ZNF407: variants seen among roughly 807,000 people sequenced by gnomAD.
ZNF407 encodes zinc finger protein 407.
A neutral mutation model predicts 131.2 loss-of-function variants in ZNF407; 17 were observed. The observed-to-expected ratio is 0.13, with a 90% confidence interval of 0.09 to 0.19. The LOEUF (loss-of-function observed/expected upper bound fraction) is 0.19, where lower values mean the gene tolerates loss of function less well. ZNF407 is among the 10% of genes least tolerant of loss of function. The pLI, the probability that ZNF407 is intolerant of heterozygous loss-of-function variation, is 1.00. For synonymous variants in ZNF407, 1,156 were observed against 1,062.0 expected (o/e 1.09, Z -1.72); for missense variants, 2,681 against 2,830.6 (o/e 0.95, Z 1.20).
At chr18:74,781,601 T>C (rs1328603954) in intron 4 of ZNF407, 99 bp downstream of exon 4, 4 of 813,718 alleles carry the variant, frequency 4.9e-6, no homozygotes, top group Admixed American at 3.6e-5. Context: ...TTCACATCAG[T>C]TAATCATGTT....
chr18:74,941,943 A>G (rs1389454380), intron 8 of ZNF407, among the ~76,000 whole-genome samples: 8 of 152,162 alleles, frequency 5.3e-5, no homozygotes, highest in Admixed American at 5.2e-4. Flanking sequence ...GGATGGCAGG[A>G]TTGTGTTAGA....
chr18:74,924,306 G>T (rs1438027291), intron 8 of ZNF407, among the ~76,000 whole-genome samples: 2 of 151,386 alleles, frequency 1.3e-5, no homozygotes, highest in Non-Finnish European at 2.9e-5. Context: ...TCTATGAGTT[G>T]TATTCTTTTC....
At chr18:74,646,172 T>G (rs750417160) in intron 3 of ZNF407, among the ~76,000 whole-genome samples, 19 of 152,312 alleles carry the variant, frequency 1.2e-4, no homozygotes, top group Non-Finnish European at 2.5e-4. Flanking sequence ...AAAATCACTA[T>G]TTTTAGTCTG....
At chr18:74,832,556 C>G (rs868837837) in intron 4 of ZNF407, among the ~76,000 whole-genome samples, 1 of 151,768 alleles carries the variant, frequency 6.6e-6, no homozygotes, top group Non-Finnish European at 1.5e-5. Flanking sequence ...TTGAGCTCAC[C>G]TGAGTTTGTA....
At chr18:74,825,117 A>G (rs1970392306) in intron 4 of ZNF407, among the ~76,000 whole-genome samples, 1 of 152,184 alleles carries the variant, frequency 6.6e-6, no homozygotes, top group South Asian at 2.1e-4. Context: ...AAACCACATG[A>G]TTATCTCAAT....
chr18:74,988,169 G>A (rs906354986), intron 8 of ZNF407, among the ~76,000 whole-genome samples: 1 of 152,186 alleles, frequency 6.6e-6, no homozygotes, highest in East Asian at 1.9e-4. Context: ...AGGAAGGAAT[G>A]ATCTTTTTAA....
intron 8 of ZNF407, among the ~76,000 whole-genome samples, chr18:74,963,816 A>C (rs895952573): frequency 4.6e-5 from 7 of 152,246 alleles, no homozygotes; most frequent in African/African-American, 1.7e-4. Flanking sequence ...TAGAGAATTT[A>C]ATATATGAAA....
intron 8 of ZNF407, among the ~76,000 whole-genome samples, chr18:74,963,078 G>A (rs1197788697): frequency 2.0e-5 from 3 of 151,250 alleles, no homozygotes; most frequent in African/African-American, 7.3e-5. Flanking sequence ...GTTCTCCCCG[G>A]TTTCTTTGTA....
At chr18:74,877,481 T>A in intron 5 of ZNF407, 118 bp downstream of exon 5, 1 of 982,574 alleles carries the variant, frequency 1.0e-6, no homozygotes, top group Non-Finnish European at 1.5e-6. Context: ...GATGTCCTGC[T>A]TTAAGATTGT....
chr18:75,050,593 A>G (rs1973488841), intron 8 of ZNF407, among the ~76,000 whole-genome samples: 1 of 152,216 alleles, frequency 6.6e-6, no homozygotes, highest in Admixed American at 6.5e-5. Context: ...TAGTATAGGC[A>G]ATGAACGCAG....
Position 75,063,996 on chromosome 18 carries a change from C to G in ZNF407, c.6275C>G (p.Ala2092Gly), listed in dbSNP as rs373190080. The change falls in exon 9 of 9, where the codon GCC becomes GGC. Residue 2092 changes from alanine to glycine, a missense_variant. Ala to Gly is a moderately conservative substitution (Grantham distance 60). This residue lies in a region of ZNF407 where 620 missense variants were observed against 583.1 expected (regional missense o/e 1.06). Transcript: ENST00000299687. This position sits in a 1 kb window ranked among gnomAD's most constrained non-coding sequence, Gnocchi z 6.6. ...CTCCAGTTTGCTGTGTGTGACACGG[C>G]CGCGGCCGGCCAGTTGGTCAAGGAC... ...GVLQFAVCDTAAAGQLVKDGV... is the reference protein window; with the variant it reads ...GVLQFAVCDTGAAGQLVKDGV... 14 of 1,611,272 alleles carry G rather than the reference C, an allele frequency of 8.7e-6. No individual in the cohort carries two copies. In the African/African-American group the frequency reaches 1.9e-4, roughly 21 times the overall value.
At chr18:74,805,316 A>C (rs1391298253) in intron 4 of ZNF407, among the ~76,000 whole-genome samples, 2 of 152,242 alleles carry the variant, frequency 1.3e-5, no homozygotes, top group Non-Finnish European at 2.9e-5. Flanking sequence ...TTTAAGCCTA[A>C]GTAAATAATT....
intron 8 of ZNF407, among the ~76,000 whole-genome samples, chr18:74,980,881 G>A (rs1004448701): frequency 5.3e-5 from 8 of 152,224 alleles, no homozygotes; most frequent in South Asian, 4.2e-4. Context: ...AGAGGAGCCC[G>A]GACAGCCTTC....
At chr18:74,673,814 C>CT (rs1253238151) in intron 3 of ZNF407, among the ~76,000 whole-genome samples, 1 of 152,154 alleles carries the variant, frequency 6.6e-6, no homozygotes, top group East Asian at 1.9e-4. Flanking sequence ...ACCTTTGTAT[C>CT]TATGATTCAT....
chr18:74,951,854 A>T (rs1972217970), intron 8 of ZNF407, among the ~76,000 whole-genome samples: 1 of 151,918 alleles, frequency 6.6e-6, no homozygotes, highest in Non-Finnish European at 1.5e-5. Flanking sequence ...CACCAAAGTT[A>T]ATTGGAGAAT....
intron 7 of ZNF407, among the ~76,000 whole-genome samples, chr18:74,912,224 G>A (rs546003699): frequency 4.6e-5 from 7 of 152,192 alleles, no homozygotes; most frequent in African/African-American, 1.4e-4. Context: ...GAAATTACCT[G>A]GGTATGTCAT....
At chr18:74,844,578 A>G (rs1258874407) in intron 4 of ZNF407, among the ~76,000 whole-genome samples, 3 of 152,348 alleles carry the variant, frequency 2.0e-5, no homozygotes, top group Non-Finnish European at 4.4e-5. Context: ...AAAAAGATAC[A>G]TATTTATATA....
At chr18:74,972,751 A>G (rs1165278379) in intron 8 of ZNF407, among the ~76,000 whole-genome samples, 3 of 150,096 alleles carry the variant, frequency 2.0e-5, no homozygotes, top group Non-Finnish European at 4.4e-5. Flanking sequence ...TGAGAATAAT[A>G]TAGCCAATCC....
intron 7 of ZNF407, among the ~76,000 whole-genome samples, chr18:74,915,345 T>G (rs879632862): frequency 1.3e-5 from 2 of 149,100 alleles, no homozygotes; most frequent in Non-Finnish European, 3.0e-5. Context: ...TGTGTGTGTG[T>G]GTGTGTGCAT....
Sources: allele counts gnomAD v4.1 joint callset (sites outside exome capture counted in the v4.1 genomes callset), GRCh38; gene constraint gnomAD v4.1.1; regional missense constraint gnomAD v4.1.1; non-coding constraint Gnocchi (gnomAD v3.1); transcripts MANE v1.5; gene names NCBI Gene and HGNC (gene_info 2026-07-23, HGNC 2026-07-21).